Variants in RGS5 observed in about 807,000 individuals in gnomAD.
RGS5 encodes the protein regulator of G-protein signalling 5.
Under a neutral mutation model 18.9 loss-of-function variants are expected in RGS5, and 20 were observed. The ratio of observed to expected loss-of-function variants is 1.06; its 90% CI spans 0.74 to 1.54. The LOEUF is 1.54. RGS5 is among the 40% of genes most tolerant of loss of function. The probability of loss-of-function intolerance (pLI) is 0.00; values close to 1 mark genes in which losing one functional copy is unlikely to be tolerated. For missense variants in RGS5, 201 were observed against 211.8 expected, an observed-to-expected ratio of 0.95 and a Z score of 0.32; for synonymous variants, 57 against 76.2, an observed-to-expected ratio of 0.75 and a Z score of 1.31.
At chr1:163,166,342 A>G (rs551126019) in intron 2 of RGS5, among the ~76,000 whole-genome samples, 1 of 151,632 alleles carries the variant, frequency 6.6e-6, no homozygotes, top group Non-Finnish European at 1.5e-5. Context: ...AAATACTTTT[A>G]AAAAAACGGA....
At chr1:163,197,874 C>T (rs890421402) in intron 1 of RGS5, among the ~76,000 whole-genome samples, 2 of 152,160 alleles carry the variant, frequency 1.3e-5, no homozygotes, top group Admixed American at 1.3e-4. Context: ...ATTGAGCTAT[C>T]AGTTGTTCAA....
chr1:163,167,411 G>A (rs1658098921), intron 2 of RGS5, among the ~76,000 whole-genome samples: 1 of 152,188 alleles, frequency 6.6e-6, no homozygotes, highest in Non-Finnish European at 1.5e-5. Context: ...TGTCTAGGTA[G>A]TGACAGTCTC....
intron 2 of RGS5, among the ~76,000 whole-genome samples, chr1:163,245,316 C>A (rs1036625622): frequency 2.0e-5 from 3 of 152,108 alleles, no homozygotes; most frequent in African/African-American, 7.2e-5. Context: ...GCAAAGCTCA[C>A]ATACTTGTAC....
intron 2 of RGS5, among the ~76,000 whole-genome samples, chr1:163,301,613 G>A (rs12750685): frequency 0.35 from 52,862 of 151,874 alleles, 9,778 homozygotes; most frequent in Non-Finnish European, 0.42. Context: ...TATTAAAGGC[G>A]TGAGACACCA....
intron 1 of RGS5, among the ~76,000 whole-genome samples, chr1:163,311,843 T>C (rs1273012032): frequency 6.6e-6 from 1 of 152,252 alleles, no homozygotes; most frequent in Non-Finnish European, 1.5e-5. Context: ...ATTGAGCACA[T>C]GCCACTGTTA....
intron 1 of RGS5, among the ~76,000 whole-genome samples, chr1:163,168,948 G>A (rs1223419077): frequency 6.6e-6 from 1 of 151,840 alleles, no homozygotes; most frequent in Non-Finnish European, 1.5e-5. Context: ...TACCATGTTG[G>A]TGTGCTGCAC....
intron 1 of RGS5, among the ~76,000 whole-genome samples, chr1:163,310,738 TAC>T (rs1254069764): frequency 6.6e-6 from 1 of 152,308 alleles, no homozygotes; most frequent in East Asian, 1.9e-4. Context: ...TGCTTCACTC[TAC>T]ACTTTGTATT....
Position 163,214,968 on chromosome 1 carries a change from A to T in RGS5, c.69+2558T>A, listed in dbSNP as rs115682502. Reference sequence around the variant, plus strand: ...TTCCCTAGACACACTTTCTTCCATTATCAAGAAAACCATTATGATGCATTT... The same window carrying T: ...TTCCCTAGACACACTTTCTTCCATTTTCAAGAAAACCATTATGATGCATTT... On this transcript the variant is annotated intron_variant, in intron 1 of 5. Coordinates refer to the RGS5 transcript ENST00000367903. Among the ~76,000 whole-genome samples the T allele has an allele frequency of 2.9e-3, 437 of 152,300 alleles. 4 individuals carry two copies. Among genetic ancestry groups the T allele is most frequent in the African/African-American group, 8.7e-3 (363 of 41,548 alleles).
At chr1:163,240,378 T>C (rs1420192958) in intron 2 of RGS5, among the ~76,000 whole-genome samples, 2 of 151,594 alleles carry the variant, frequency 1.3e-5, no homozygotes, top group African/African-American at 4.9e-5. Flanking sequence ...GTATACTCTA[T>C]GGTTTCATTC....
chr1:163,194,940 A>T (rs993616352), intron 1 of RGS5, among the ~76,000 whole-genome samples: 1 of 152,192 alleles, frequency 6.6e-6, no homozygotes. Context: ...AAAAAACAAT[A>T]GATGTTGGCA....
At chr1:163,210,425 T>G (rs974684507) in intron 1 of RGS5, among the ~76,000 whole-genome samples, 1 of 152,258 alleles carries the variant, frequency 6.6e-6, no homozygotes, top group South Asian at 2.1e-4. Flanking sequence ...GTTCTAGTTT[T>G]ATGGATATAA....
Position 163,209,949 on chromosome 1 carries a change from G to A in RGS5, c.69+7577C>T, listed in dbSNP as rs12023374. 0.023 allele frequency among the ~76,000 whole-genome samples: 3,453 copies of A among 151,910 alleles called. 309 individuals are homozygous for A. In the East Asian group the frequency reaches 0.25, roughly 11 times the overall value. On this transcript the variant is annotated intron_variant, in intron 1 of 5. Coordinates refer to the RGS5 transcript ENST00000367903. ...TGTTTCCTCAATAAGTATGATATTG[G>A]TTTTAAGATTACAACTGTAATTTTC...
At chr1:163,203,145 C>T (rs1451462417), upstream of RGS5, 1 of 299,078 alleles carries the variant, frequency 3.3e-6, no homozygotes, top group Non-Finnish European at 6.4e-6. Flanking sequence ...GGGTTAGGCC[C>T]TAAACTGTGC....
At chr1:163,270,652 G>C (rs1188807706) in intron 2 of RGS5, among the ~76,000 whole-genome samples, 1 of 152,128 alleles carries the variant, frequency 6.6e-6, no homozygotes, top group Non-Finnish European at 1.5e-5. Flanking sequence ...TAAAACTACT[G>C]ACAATCCATC....
intron 1 of RGS5, among the ~76,000 whole-genome samples, chr1:163,183,222 A>T (rs997764155): frequency 6.6e-6 from 1 of 152,228 alleles, no homozygotes; most frequent in Non-Finnish European, 1.5e-5. Flanking sequence ...TTAGATCTCA[A>T]ACCATTTCTT....
At chr1:163,170,365 C>T (rs555850876) in intron 1 of RGS5, among the ~76,000 whole-genome samples, 1 of 152,278 alleles carries the variant, frequency 6.6e-6, no homozygotes, top group Admixed American at 6.5e-5. Context: ...CTAAAAATAT[C>T]TTGATTTTGT....
rs563827601 is a variant in RGS5 at position 163,261,458 on chromosome 1, C to T, written c.-281+44775G>A. ...CTAGGTCCATCCTCTGCTCTTGAGA[C>T]GACCACAGACCTCAAACCACCTTCC... On this transcript the variant is annotated intron_variant, in intron 2 of 5. Transcript: ENST00000618415. 2.7e-4 allele frequency among the ~76,000 whole-genome samples: 41 copies of T among 152,274 alleles called. No homozygotes were observed. In the South Asian group the frequency reaches 7.1e-3, roughly 26 times the overall value.
At chr1:163,183,081 A>G (rs1658923744) in intron 1 of RGS5, among the ~76,000 whole-genome samples, 1 of 152,252 alleles carries the variant, frequency 6.6e-6, no homozygotes, top group South Asian at 2.1e-4. Context: ...ACATTTACAC[A>G]AAAGATACAA....
chr1:163,266,238 TCTCACATTCA>T (rs1327535907), intron 2 of RGS5, among the ~76,000 whole-genome samples: 1 of 152,126 alleles, frequency 6.6e-6, no homozygotes, highest in Non-Finnish European at 1.5e-5. Flanking sequence ...ACTTATCCCC[TCTCACATTCA>T]CTCATTCATC....
Sources: allele counts gnomAD v4.1 joint callset (sites outside exome capture counted in the v4.1 genomes callset), GRCh38; gene constraint gnomAD v4.1.1; transcripts MANE v1.5; gene names NCBI Gene and HGNC (gene_info 2026-07-23, HGNC 2026-07-21).